The following ZNF516 variants were observed in gnomAD, a reference collection of about 807,000 sequenced individuals.
ZNF516 encodes zinc finger protein 516.
ZNF516 carries 19 observed loss-of-function variants against 79.7 expected under a neutral mutation model. The ratio of observed to expected loss-of-function variants is 0.24; its 90% CI spans 0.17 to 0.35. The LOEUF (loss-of-function observed/expected upper bound fraction) is 0.35, where lower values mean the gene tolerates loss of function less well. Among genes scored for constraint, ZNF516 ranks in the 10% least tolerant of loss-of-function variants. The pLI is 1.00. For missense variants in ZNF516, 1,678 were observed against 1,679.5 expected, an observed-to-expected ratio of 1.00 and a Z score of 0.02; for synonymous variants, 877 against 739.5, an observed-to-expected ratio of 1.19 and a Z score of -3.02.
chr18:76,483,033 A>AT (rs908412199), intron 1 of ZNF516, among the ~76,000 whole-genome samples: 4 of 152,108 alleles, frequency 2.6e-5, no homozygotes, highest in African/African-American at 7.2e-5. Context: ...GAATTTACTA[A>AT]TTTTTTTCCT....
intron 2 of ZNF516, among the ~76,000 whole-genome samples, chr18:76,448,335 C>T (rs1320735528): frequency 6.6e-6 from 1 of 152,154 alleles, no homozygotes; most frequent in African/African-American, 2.4e-5. Context: ...GATACATTTA[C>T]TCTGTAGGCC....
At chr18:76,367,172 C>T (rs2074626188) in intron 6 of ZNF516, among the ~76,000 whole-genome samples, 1 of 152,188 alleles carries the variant, frequency 6.6e-6, no homozygotes, top group African/African-American at 2.4e-5. Context: ...TGCCTGAAGC[C>T]AGACCTGGGG....
At chr18:76,390,794 C>T (rs1017731835) in intron 3 of ZNF516, among the ~76,000 whole-genome samples, 6 of 152,180 alleles carry the variant, frequency 3.9e-5, no homozygotes, top group Non-Finnish European at 5.9e-5. Context: ...ATGACACTTT[C>T]CGGGTTCACT....
intron 3 of ZNF516, among the ~76,000 whole-genome samples, chr18:76,431,250 G>GACACACAC (rs71991368): frequency 1.3e-5 from 2 of 150,394 alleles, no homozygotes; most frequent in East Asian, 1.9e-4. Flanking sequence ...CAGAGACGAG[G>GACACACAC]ACACACACAC....
At chr18:76,429,335 G>A (rs867594551) in intron 3 of ZNF516, among the ~76,000 whole-genome samples, 2 of 152,340 alleles carry the variant, frequency 1.3e-5, no homozygotes, top group Middle Eastern at 6.8e-3. Flanking sequence ...CCTTGGGACA[G>A]ATAAAAGACA....
chr18:76,472,476 C>T lies in ZNF516; in HGVS notation c.-271-9335G>A, dbSNP rs1030130592. On this transcript the variant is annotated intron_variant, in intron 1 of 6. Coordinates refer to ENST00000443185, the MANE Select transcript of ZNF516 (RefSeq NM_014643.4). ...ACATATGCATGTATGTGTGTATATA[C>T]ACGTACACTCAGGCACACTTACACA... 5.3e-5 allele frequency among the ~76,000 whole-genome samples: 8 copies of T among 152,244 alleles called. No individual in the cohort carries two copies. The South Asian group carries it at 6.2e-4, about 12-fold the overall frequency.
chr18:76,457,789 C>A (rs1912820429), intron 2 of ZNF516, among the ~76,000 whole-genome samples: 1 of 152,122 alleles, frequency 6.6e-6, no homozygotes, highest in South Asian at 2.1e-4. Context: ...CAGAAGGGTG[C>A]CAGAAATAAT....
rs867291996 is a variant in ZNF516 at position 76,362,164 on chromosome 18, C to T, written c.*334G>A. On this transcript the variant is annotated 3_prime_UTR_variant, in exon 7 of 7. Transcript: ENST00000443185. ...TGTCTCAAACTTGTCTTGAATAAGACAGATGCCTTGTGCCCCTACTGTGCC... is the reference window on the plus strand; with the variant it reads ...TGTCTCAAACTTGTCTTGAATAAGATAGATGCCTTGTGCCCCTACTGTGCC... 4.1e-6 allele frequency: 1 copy of T among 242,424 alleles called. No individual in the cohort carries two copies. The highest frequency in any genetic ancestry group is 1.4e-3 in the Middle Eastern group (1 of 740). 15.0% of individuals were successfully genotyped at this position (242,424 alleles called of 1,614,324 possible).
At chr18:76,380,349 G>A (rs2074871155) in intron 3 of ZNF516, 46 bp from the exon 4 acceptor site, 4 of 1,591,496 alleles carry the variant, frequency 2.5e-6, no homozygotes, top group Non-Finnish European at 3.4e-6. Flanking sequence ...TTTCTCATCA[G>A]AACACAGCAA....
chr18:76,420,891 C>T (rs1375494891), intron 3 of ZNF516, among the ~76,000 whole-genome samples: 1 of 152,152 alleles, frequency 6.6e-6, no homozygotes, highest in East Asian at 1.9e-4. Flanking sequence ...AACTGAATTT[C>T]CTTAGTGATG....
intron 3 of ZNF516, among the ~76,000 whole-genome samples, chr18:76,406,891 G>A (rs529640452): frequency 2.6e-5 from 4 of 152,296 alleles, no homozygotes; most frequent in South Asian, 2.1e-4. Context: ...GACAGCAGCC[G>A]AGTGGCCGCA....
intron 2 of ZNF516, among the ~76,000 whole-genome samples, chr18:76,452,712 A>G (rs1912490450): frequency 6.6e-6 from 1 of 152,194 alleles, no homozygotes; most frequent in African/African-American, 2.4e-5. Context: ...GTATCACAAT[A>G]TATTCTCGAA....
At chr18:76,404,747 G>A (rs918195155) in intron 3 of ZNF516, among the ~76,000 whole-genome samples, 38 of 152,172 alleles carry the variant, frequency 2.5e-4, no homozygotes, top group African/African-American at 8.9e-4. Flanking sequence ...CGTTGTGTGT[G>A]CATGAGCATA....
chr18:76,426,509 T>C (rs1230207872), intron 3 of ZNF516, among the ~76,000 whole-genome samples: 1 of 152,006 alleles, frequency 6.6e-6, no homozygotes, highest in Admixed American at 6.6e-5. Flanking sequence ...ATATCCCAAA[T>C]ATTGCATGGG....
At chr18:76,425,505 C>A (rs1475304079) in intron 3 of ZNF516, among the ~76,000 whole-genome samples, 1 of 152,210 alleles carries the variant, frequency 6.6e-6, no homozygotes, top group Non-Finnish European at 1.5e-5. Context: ...GCGATCCTGA[C>A]CACTGATTCC....
At chr18:76,404,568 TTG>T (rs1491053266) in intron 3 of ZNF516, among the ~76,000 whole-genome samples, 4 of 150,816 alleles carry the variant, frequency 2.7e-5, no homozygotes, top group African/African-American at 7.4e-5. Context: ...GTTTGTATGT[TTG>T]TGAGTATGTA....
intron 3 of ZNF516, among the ~76,000 whole-genome samples, chr18:76,412,718 A>AACT (rs2075386636): frequency 6.6e-6 from 1 of 152,226 alleles, no homozygotes; most frequent in South Asian, 2.1e-4. Context: ...GACCAACAGC[A>AACT]ACTGAGGCAG....
rs564957755 is a variant in ZNF516, at chr18:76,454,277, C to A, written c.-158+8751G>T. Among the ~76,000 whole-genome samples the A allele has an allele frequency of 2.0e-5, 3 of 152,162 alleles. No individual in the cohort carries two copies. In the East Asian group the frequency reaches 5.8e-4, roughly 29 times the overall value. The stretch of plus-strand genomic sequence containing the variant: ...TTACCAAATTCTAAGCAATTGCTTA[C>A]GCATTTTTTGTTAAAAGAAAAAAAC... On this transcript the variant is annotated intron_variant, in intron 2 of 6. Coordinates refer to ENST00000443185, the MANE Select transcript of ZNF516 (RefSeq NM_014643.4).
intron 3 of ZNF516, among the ~76,000 whole-genome samples, chr18:76,395,908 G>A (rs538503434): frequency 6.6e-6 from 1 of 152,312 alleles, no homozygotes; most frequent in Non-Finnish European, 1.5e-5. Context: ...CACACCGCGA[G>A]CTTCACCGTC....
Sources: gnomAD v4.1 joint callset for allele counts (sites outside exome capture counted in the v4.1 genomes callset) on GRCh38, gnomAD v4.1.1 for gene constraint, MANE v1.5 for transcripts, NCBI Gene and HGNC (gene_info 2026-07-23, HGNC 2026-07-21) for gene names.